GORASP2: variants seen among roughly 807,000 people sequenced by gnomAD.
GORASP2 encodes golgi reassembly stacking protein 2.
A neutral mutation model predicts 45.7 loss-of-function variants in GORASP2; 22 were observed. That is an observed-to-expected ratio of 0.48 (90% CI 0.34 to 0.69). The LOEUF (loss-of-function observed/expected upper bound fraction) is 0.69. GORASP2 is among the 30% of genes least tolerant of loss of function. The pLI is 0.01. For synonymous variants in GORASP2, 221 were observed against 215.6 expected, an observed-to-expected ratio of 1.02 and a Z score of -0.22; for missense variants, 491 against 562.7, an observed-to-expected ratio of 0.87 and a Z score of 1.29.
intron 1 of GORASP2, among the ~76,000 whole-genome samples, chr2:170,934,042 T>C (rs771277655): frequency 2.0e-5 from 3 of 152,208 alleles, no homozygotes; most frequent in Non-Finnish European, 4.4e-5. Context: ...GCTCTTTTTA[T>C]ATATTTTTTT....
In GORASP2 at chr2:170,956,439, C is replaced by T; in HGVS notation, c.703C>T (p.Gln235Ter). The T allele has an allele frequency of 6.2e-7, 1 of 1,607,632 alleles. No individual in the cohort carries two copies. Among genetic ancestry groups the T allele is most frequent in the Non-Finnish European group, 8.5e-7 (1 of 1,178,340 alleles). Residue 235 changes from glutamine (Q) to a stop codon, truncating the protein, a stop_gained, in exon 7 of 10, where the codon CAG (glutamine) becomes TAG (stop). Coordinates refer to ENST00000234160, the MANE Select transcript of GORASP2 (RefSeq NM_015530.5). LOFTEE classifies it high-confidence loss of function. ...TTTTTTTTTCTTTTTTTGGAAGGTC[C>T]AGCTGTCCTCAGTTAATCCCCCGTC... ...TPLKDGFTEVQLSSVNPPSLS... is the reference protein window; with the variant it reads ...TPLKDGFTEV
chr2:170,953,946 G>A (rs16859076), intron 5 of GORASP2: 3,868 of 152,324 alleles, frequency 0.025, 187 homozygotes, highest in South Asian at 0.15. Context: ...CACTCTGATT[G>A]ACAATCCTAC....
intron 1 of GORASP2, among the ~76,000 whole-genome samples, chr2:170,933,054 T>G (rs1703865645): frequency 6.6e-6 from 1 of 152,136 alleles, no homozygotes; most frequent in African/African-American, 2.4e-5. Flanking sequence ...TTTTTTAACT[T>G]TAATATATTT....
At chr2:170,935,132 A>G (rs1703918105) in intron 1 of GORASP2, among the ~76,000 whole-genome samples, 1 of 152,250 alleles carries the variant, frequency 6.6e-6, no homozygotes, top group Admixed American at 6.5e-5. Flanking sequence ...GTCTCAGTTT[A>G]TTGAAGCCAT....
At chr2:170,932,024 G>A (rs1456175829) in intron 1 of GORASP2, among the ~76,000 whole-genome samples, 10 of 152,156 alleles carry the variant, frequency 6.6e-5, no homozygotes, top group Non-Finnish European at 7.3e-5. Flanking sequence ...TCAGGAGTTC[G>A]AGACCAGCCT....
chr2:170,962,791 C>G (rs1289379371), intron 8 of GORASP2, 48 bp from the exon 9 acceptor site: 2 of 1,241,064 alleles, frequency 1.6e-6, no homozygotes, highest in Non-Finnish European at 1.2e-6. Context: ...TTTATTTCTT[C>G]CCCAGGTCAA....
chr2:170,931,224 ATAAT>A (rs1020588582), intron 1 of GORASP2, among the ~76,000 whole-genome samples: 71 of 152,356 alleles, frequency 4.7e-4, no homozygotes, highest in African/African-American at 1.6e-3. Flanking sequence ...ACACGATGAA[ATAAT>A]TCTTATTTAG....
intron 7 of GORASP2, among the ~76,000 whole-genome samples, chr2:170,956,956 T>A (rs938353481): frequency 2.2e-4 from 34 of 152,170 alleles, no homozygotes; most frequent in African/African-American, 7.2e-4. Flanking sequence ...AAAAAGAATT[T>A]AAAAAATTAA....
At chr2:170,936,716 C>T (rs186951339) in intron 1 of GORASP2, 498 of 1,048,748 alleles carry the variant, frequency 4.7e-4, no homozygotes, top group Non-Finnish European at 5.0e-4. Context: ...CTACTCCAAT[C>T]AGGAGACTGA....
At chr2:170,929,089 G>T (rs1450736904), upstream of GORASP2, 17 of 382,198 alleles carry the variant, frequency 4.4e-5, no homozygotes, top group Non-Finnish European at 7.9e-5. Flanking sequence ...TCCTCCTCCG[G>T]CCCTCCCTCT....
intron 6 of GORASP2, among the ~76,000 whole-genome samples, chr2:170,955,481 T>C (rs1165958932): frequency 1.3e-5 from 2 of 152,086 alleles, no homozygotes; most frequent in Non-Finnish European, 2.9e-5. Flanking sequence ...CTTAAGGAGG[T>C]ATCTCAGGGC....
In GORASP2 at chr2:170,929,708, CCT is replaced by C. The variant is rs140706383; in HGVS notation, c.63+306_63+307del. ...ACAACCTTGCTCTTTTTCCGCACGG[CCT>C]TCTCTCTCCTCCACCCCCCCTCATT... is the stretch of plus-strand genomic sequence containing the variant. On this transcript the variant is annotated intron_variant, in intron 1 of 9. Coordinates refer to ENST00000234160, the MANE Select transcript of GORASP2 (RefSeq NM_015530.5). 476 of 597,536 alleles carry C rather than the reference CCT, an allele frequency of 8.0e-4. 4 individuals are homozygous for C. The East Asian group carries it at 0.018, about 22-fold the overall frequency. The allele number at this position is 597,536 out of a possible 1,614,324, so 37.0% of individuals were successfully genotyped here. A position where few individuals can be genotyped will look rare whatever the true frequency, so the allele number is the denominator to read the frequency against.
chr2:170,954,573 G>GCC, intron 5 of GORASP2, 77 bp from the exon 6 acceptor site: 4 of 1,016,094 alleles, frequency 3.9e-6, no homozygotes, highest in Non-Finnish European at 5.9e-6. Context: ...TGGGTTACCC[G>GCC]CCCCCCCCAA....
chr2:170,947,768 TC>T (rs1459850610), intron 1 of GORASP2, among the ~76,000 whole-genome samples: 1 of 151,886 alleles, frequency 6.6e-6, no homozygotes, highest in Non-Finnish European at 1.5e-5. Flanking sequence ...TTAGCCCCTT[TC>T]TCCCAAAAAA....
intron 1 of GORASP2, among the ~76,000 whole-genome samples, chr2:170,941,546 C>T (rs1262635036): frequency 6.6e-6 from 1 of 152,192 alleles, no homozygotes; most frequent in African/African-American, 2.4e-5. Flanking sequence ...CCCACCTCCA[C>T]AGGATGAATA....
intron 1 of GORASP2, chr2:170,929,784 G>A (rs569762815): frequency 1.4e-4 from 68 of 489,140 alleles, no homozygotes; most frequent in East Asian, 1.4e-3. Context: ...CTCCAAAGTG[G>A]TGACTGTGAA....
Position 170,942,807 on chromosome 2 carries a change from A to G in GORASP2, c.64-5543A>G, listed in dbSNP as rs542359515. On this transcript the variant is annotated intron_variant, in intron 1 of 9. Transcript: ENST00000234160. ...AACTGTTTTCCACAGCGGCTACACC[A>G]TTTTACATTCCCACCAGCAAATGTA... 3.9e-5 allele frequency among the ~76,000 whole-genome samples: 6 copies of G among 152,294 alleles called. No individual in the cohort carries two copies. The East Asian group carries it at 1.2e-3, about 29-fold the overall frequency.
At position 170,965,770 on chromosome 2, in the gene GORASP2, C is replaced by T. The variant is rs1704670376; in HGVS notation, c.1019-20C>T. The T allele has an allele frequency of 6.5e-7, 1 of 1,547,992 alleles. No homozygotes were observed. Among genetic ancestry groups the T allele is most frequent in the African/African-American group, 1.4e-5 (1 of 73,786 alleles). On this transcript the variant is annotated intron_variant, in intron 9 of 9. Coordinates refer to ENST00000234160, the MANE Select transcript of GORASP2 (RefSeq NM_015530.5). ...TTTCAGTGCTGGGAGGATGTATGAT[C>T]TATGCCGTTTTTGTCCTAGGTCTGC...
intron 1 of GORASP2, among the ~76,000 whole-genome samples, chr2:170,930,282 A>T (rs1703787507): frequency 6.6e-6 from 1 of 152,210 alleles, no homozygotes; most frequent in Admixed American, 6.5e-5. Flanking sequence ...TTCCTCATGG[A>T]ACCGGGCGAC....
Sources: allele counts gnomAD v4.1 joint callset (sites outside exome capture counted in the v4.1 genomes callset), GRCh38; gene constraint gnomAD v4.1.1; transcripts MANE v1.5; gene names NCBI Gene and HGNC (gene_info 2026-07-23, HGNC 2026-07-21).